Variants in NSD1 observed in about 807,000 individuals in gnomAD.
NSD1 encodes nuclear receptor binding SET domain protein 1.
In NSD1, 26 loss-of-function variants were observed where a neutral mutation model predicts 242.7. The ratio of observed to expected loss-of-function variants is 0.11; its 90% confidence interval spans 0.08 to 0.15. NSD1 has a LOEUF of 0.15. Among genes scored for constraint, NSD1 ranks in the 10% least tolerant of loss-of-function variants. The probability of loss-of-function intolerance (pLI) is 1.00; values close to 1 mark genes in which losing one functional copy is unlikely to be tolerated. For missense variants in NSD1, 2,495 were observed against 3,272.8 expected (o/e 0.76, Z 5.80); for synonymous variants, 1,106 against 1,178.1 (o/e 0.94, Z 1.25).
chr5:177,191,511 T>A (rs1761694509), intron 2 of NSD1, among the ~76,000 whole-genome samples: 1 of 152,210 alleles, frequency 6.6e-6, no homozygotes, highest in South Asian at 2.1e-4. Flanking sequence ...CCTATAATTT[T>A]TTCTCCATTT....
rs754566654 is a variant in NSD1, at chr5:177,211,808, C to A, written c.3409C>A (p.Leu1137Met). 4 of 1,614,062 alleles carry A rather than the reference C, an allele frequency of 2.5e-6. No individual in the cohort carries two copies. The highest frequency in any genetic ancestry group is 1.6e-4 in the Middle Eastern group (1 of 6,084). ...LSFENGKGPE[L>M]DSVMNSENDE... ...TTTTGAAAACGGAAAAGGCCCAGAG[C>A]TGGACTCTGTAATGAACAGTGAGAA... Residue 1137 changes from leucine (L) to methionine (M), a missense_variant, in exon 5 of 23, where the codon CTG (leucine) becomes ATG (methionine). Coordinates refer to ENST00000439151, the MANE Select transcript of NSD1 (RefSeq NM_022455.5).
At chr5:177,171,201 G>T (rs1208053559) in intron 2 of NSD1, among the ~76,000 whole-genome samples, 2 of 151,950 alleles carry the variant, frequency 1.3e-5, no homozygotes, top group Admixed American at 1.3e-4. Context: ...CAGCTACTCA[G>T]GAGGCTGAGG....
chr5:177,248,171 T>C lies in NSD1; in HGVS notation c.4498-10T>C, dbSNP rs1407749483. ...AATACAGATGTGGGACATTATTTTT[T>C]CTTTGCAAGGGAGAACTAATGCCTC... On this transcript the variant is annotated splice_polypyrimidine_tract_variant and intron_variant, in intron 10 of 22. Transcript: ENST00000439151. 2 of 1,613,720 alleles carry C rather than the reference T, an allele frequency of 1.2e-6. No homozygotes were observed. Among genetic ancestry groups the C allele is most frequent in the South Asian group, 1.1e-5 (1 of 91,034 alleles).
chr5:177,283,980 G>A, intron 20 of NSD1, 52 bp downstream of exon 20: 1 of 1,604,292 alleles, frequency 6.2e-7, no homozygotes, highest in South Asian at 1.1e-5. Context: ...CAGGGCTTTT[G>A]TTTTTTACAA....
At chr5:177,251,531 A>G (rs1340056139) in intron 11 of NSD1, among the ~76,000 whole-genome samples, 199 bp from the exon 12 acceptor site, 1 of 152,142 alleles carries the variant, frequency 6.6e-6, no homozygotes, top group Non-Finnish European at 1.5e-5. Context: ...TGAATACCTG[A>G]TTTTAGCTTT....
rs1190163166 is a variant in NSD1, at chr5:177,210,753, C to T, written c.2354C>T (p.Pro785Leu). Residue 785 changes from proline (P) to leucine (L), a missense_variant, in exon 5 of 23, where the codon CCC (proline) becomes CTC (leucine). Physicochemically the swap from Pro to Leu is moderately conservative, Grantham distance 98. Around this residue, in one of 19 missense-constraint regions of NSD1, gnomAD observed 515 missense variants for 467.0 expected, o/e 1.10. Transcript: ENST00000439151. ...QALLHSKSKQ[P>L]KFRSIKCKHK... is the part of the protein sequence containing the mutation. ...CTATTACATTCGAAAAGCAAACAGC[C>T]CAAGTTCCGAAGTATAAAGTGCAAA... The T allele has an allele frequency of 6.2e-7, 1 of 1,614,114 alleles. No homozygotes were observed. Among genetic ancestry groups the T allele is most frequent in the Non-Finnish European group, 8.5e-7 (1 of 1,180,028 alleles).
chr5:177,245,769 G>C (rs981587899), intron 9 of NSD1, among the ~76,000 whole-genome samples: 1 of 151,122 alleles, frequency 6.6e-6, no homozygotes, highest in Non-Finnish European at 1.5e-5. Flanking sequence ...CTGAGTAGCT[G>C]GGACTACAGA....
Position 177,297,340 on chromosome 5 carries a change from T to TC in NSD1, c.*1881_*1882insC. On this transcript the variant is annotated 3_prime_UTR_variant, in exon 23 of 23. Transcript: ENST00000439151. Reference sequence around the variant, plus strand: ...AAGGAAGAGAAAACGTAAAGCATCTTATTTTCTTTTAAAAGAATTTTAAAC... The same window carrying TC: ...AAGGAAGAGAAAACGTAAAGCATCTTCATTTTCTTTTAAAAGAATTTTAAAC... 4.3e-6 allele frequency: 1 copy of TC among 230,938 alleles called. No homozygotes were observed. Among genetic ancestry groups the TC allele is most frequent in the Non-Finnish European group, 8.6e-6 (1 of 116,688 alleles). 14.3% of individuals were successfully genotyped at this position (230,938 alleles called of 1,614,324 possible). A position where few individuals can be genotyped will look rare whatever the true frequency, so the allele number is the denominator to read the frequency against.
chr5:177,240,973 T>A (rs969401613), intron 8 of NSD1, among the ~76,000 whole-genome samples: 1 of 151,272 alleles, frequency 6.6e-6, no homozygotes, highest in African/African-American at 2.4e-5. Flanking sequence ...GAGCTATGAT[T>A]GCGCTATTGC....
At chr5:177,255,087 T>G (rs1173241719) in intron 12 of NSD1, among the ~76,000 whole-genome samples, 3 of 152,074 alleles carry the variant, frequency 2.0e-5, no homozygotes, top group Admixed American at 2.0e-4. Flanking sequence ...GGCGGATTTT[T>G]TAAGGTCAGA....
intron 5 of NSD1, among the ~76,000 whole-genome samples, chr5:177,233,764 G>A (rs1041757322): frequency 6.6e-5 from 10 of 152,100 alleles, no homozygotes; most frequent in African/African-American, 2.4e-4. Context: ...ACAGGATGAT[G>A]ACTGTTCCTC....
At chr5:177,132,060 G>A (rs1280074921), upstream of NSD1, among the ~76,000 whole-genome samples, 7 of 152,226 alleles carry the variant, frequency 4.6e-5, no homozygotes, top group Non-Finnish European at 7.3e-5. This position sits in a 1 kb window ranked among gnomAD's most constrained non-coding sequence, Gnocchi z 7.5. Context: ...CCGCTGTCTT[G>A]GGGGATTGGA....
intron 2 of NSD1, among the ~76,000 whole-genome samples, chr5:177,152,707 G>A (rs920187951): frequency 1.0e-4 from 15 of 150,124 alleles, no homozygotes; most frequent in Admixed American, 4.0e-4. Context: ...CTTGTGATCC[G>A]CCCGCCTCTG....
intron 2 of NSD1, among the ~76,000 whole-genome samples, chr5:177,189,563 G>T (rs191921279): frequency 6.6e-6 from 1 of 152,128 alleles, no homozygotes; most frequent in Non-Finnish European, 1.5e-5. Context: ...AAGAATTTAG[G>T]CTCTGGAGTT....
Position 177,176,624 on chromosome 5 carries a change from C to T in NSD1, c.928-15260C>T, listed in dbSNP as rs552915274. On this transcript the variant is annotated intron_variant, in intron 2 of 22. Coordinates refer to ENST00000439151, the MANE Select transcript of NSD1 (RefSeq NM_022455.5). ...ATTATTGTTCTATTGATGTTTATAA[C>T]TGTATAATTAGTATATAATCTGCAT... Among the ~76,000 whole-genome samples the T allele has an allele frequency of 4.8e-4, 73 of 152,172 alleles. No homozygotes were observed. In the Middle Eastern group the frequency reaches 0.01, roughly 21 times the overall value.
chr5:177,218,480 T>C (rs998626804), intron 5 of NSD1, among the ~76,000 whole-genome samples: 3 of 152,200 alleles, frequency 2.0e-5, no homozygotes, highest in Non-Finnish European at 4.4e-5. Flanking sequence ...TTTATTCTGT[T>C]AATGTGCTGT....
intron 20 of NSD1, chr5:177,288,445 A>G (rs542266118): frequency 3.4e-6 from 1 of 294,826 alleles, no homozygotes; most frequent in South Asian, 3.2e-5. Flanking sequence ...AGAACAGACA[A>G]ACAGGTTTTC....
At chr5:177,257,224 C>CTTTTTTTTTTTTTTTT (rs1343529552) in intron 13 of NSD1, 73 bp downstream of exon 13, 1 of 877,904 alleles carries the variant, frequency 1.1e-6, no homozygotes, top group African/African-American at 1.8e-5. Context: ...TTTCTTTTTT[C>CTTTTTTTTTTTTTTTT]TTTCTTTTTT....
rs375704380 is a variant in NSD1 at position 177,210,367 on chromosome 5, A to G, written c.1968A>G (p.Ser656=). 1 of 1,614,080 alleles carries G rather than the reference A, an allele frequency of 6.2e-7. No individual in the cohort carries two copies. Among genetic ancestry groups the G allele is most frequent in the Non-Finnish European group, 8.5e-7 (1 of 1,180,050 alleles). The change falls in exon 5 of 23, where the codon TCA becomes TCG. Residue 656 remains serine, a synonymous_variant. Coordinates refer to ENST00000439151, the MANE Select transcript of NSD1 (RefSeq NM_022455.5). ...SSDLDPIEHS[S]ESDNSVLEIP... is the part of the protein sequence containing the mutation. ...ACCTGGATCCCATAGAACACAGCTCAGAGTCTGATAACAGTGTCCTTGAAA... is the reference window on the plus strand; with the variant it reads ...ACCTGGATCCCATAGAACACAGCTCGGAGTCTGATAACAGTGTCCTTGAAA...
Sources: allele counts gnomAD v4.1 joint callset (sites outside exome capture counted in the v4.1 genomes callset), GRCh38; gene constraint gnomAD v4.1.1; regional missense constraint gnomAD v4.1.1; non-coding constraint Gnocchi (gnomAD v3.1); transcripts MANE v1.5; gene names NCBI Gene and HGNC (gene_info 2026-07-23, HGNC 2026-07-21).